ADAM32: variants seen among roughly 807,000 people sequenced by gnomAD.
The protein encoded by ADAM32 is disintegrin and metalloproteinase domain-containing protein 32.
Under a neutral mutation model 114.9 loss-of-function variants are expected in ADAM32, and 89 were observed. The observed-to-expected ratio is 0.77, with a 90% CI of 0.65 to 0.92. The LOEUF is 0.92. Among genes scored for constraint, ADAM32 ranks in the 40% least tolerant of loss-of-function variants. The probability of loss-of-function intolerance (pLI) is 0.00; values close to 1 mark genes in which losing one functional copy is unlikely to be tolerated. For synonymous variants in ADAM32, 285 were observed against 307.5 expected (o/e 0.93, Z 0.77); for missense variants, 870 against 932.8 (o/e 0.93, Z 0.88).
intron 10 of ADAM32, among the ~76,000 whole-genome samples, chr8:39,183,769 T>C (rs1806055607): frequency 6.6e-6 from 1 of 152,246 alleles, no homozygotes; most frequent in Admixed American, 6.5e-5. Context: ...TTACAGGACA[T>C]GTGATAAGTA....
intron 7 of ADAM32, among the ~76,000 whole-genome samples, chr8:39,162,373 G>GTGTA (rs1473728968): frequency 6.6e-6 from 1 of 151,978 alleles, no homozygotes; most frequent in Non-Finnish European, 1.5e-5. Flanking sequence ...GTATTCCATG[G>GTGTA]TGTATATGTG....
At chr8:39,127,489 A>G (rs1802186985) in intron 2 of ADAM32, among the ~76,000 whole-genome samples, 1 of 152,026 alleles carries the variant, frequency 6.6e-6, no homozygotes, top group African/African-American at 2.4e-5. Context: ...GTATTCTCTG[A>G]TGATTGTTTG....
chr8:39,116,774 T>C (rs191863653), intron 1 of ADAM32, among the ~76,000 whole-genome samples: 70 of 152,322 alleles, frequency 4.6e-4, no homozygotes, highest in Admixed American at 4.6e-3. Flanking sequence ...TAGCGCTATG[T>C]TGAATGGGAG....
At chr8:39,240,162 G>T (rs1033111547) in intron 16 of ADAM32, among the ~76,000 whole-genome samples, 1 of 152,268 alleles carries the variant, frequency 6.6e-6, no homozygotes, top group African/African-American at 2.4e-5. Context: ...TTCCAAGACT[G>T]ATCATATGAT....
intron 19 of ADAM32, among the ~76,000 whole-genome samples, chr8:39,258,926 A>T (rs1170426214): frequency 1.3e-5 from 2 of 152,092 alleles, no homozygotes; most frequent in Non-Finnish European, 2.9e-5. Flanking sequence ...CTTAAATACA[A>T]TTTTCACTGT....
At chr8:39,138,678 G>C (rs1487808608) in intron 3 of ADAM32, among the ~76,000 whole-genome samples, 1 of 152,026 alleles carries the variant, frequency 6.6e-6, no homozygotes, top group Non-Finnish European at 1.5e-5. Context: ...TAATCCTTTG[G>C]GTATATACCA....
intron 11 of ADAM32, 59 bp from the exon 12 acceptor site, chr8:39,211,085 A>G (rs1194858796): frequency 1.7e-5 from 21 of 1,270,116 alleles, no homozygotes; most frequent in East Asian, 2.7e-5. Context: ...AATTTATATC[A>G]TATAGAAATG....
chr8:39,118,075 T>TTTA lies in ADAM32; in HGVS notation c.59-11_59-10insTTA. 7.0e-7 allele frequency: 1 copy of TTTA among 1,423,546 alleles called. No individual in the cohort carries two copies. The allele number at this position is 1,423,546 out of a possible 1,614,324, so 88.2% of individuals were successfully genotyped here. On this transcript the variant is annotated splice_polypyrimidine_tract_variant and intron_variant, in intron 1 of 24. Transcript: ENST00000379907. Reference sequence around the variant, plus strand: ...AAGGTTACTAACTTTTTTTTTTTTTTATCTCTTCAGGTTTTCAAAATTCAC... The same window carrying TTTA: ...AAGGTTACTAACTTTTTTTTTTTTTTTTAATCTCTTCAGGTTTTCAAAATTCAC...
chr8:39,283,351 T>A (rs1813553590), intron 23 of ADAM32, among the ~76,000 whole-genome samples: 2 of 143,858 alleles, frequency 1.4e-5, no homozygotes, highest in South Asian at 4.3e-4. Flanking sequence ...GTTGAGGCTG[T>A]GGTGGGCCAC....
chr8:39,257,830 A>G (rs1217774412), intron 19 of ADAM32, among the ~76,000 whole-genome samples: 1 of 151,290 alleles, frequency 6.6e-6, no homozygotes, highest in African/African-American at 2.5e-5. Flanking sequence ...ACACTAAGAC[A>G]GAGAACAACA....
chr8:39,220,401 A>G (rs1325456190), intron 12 of ADAM32, among the ~76,000 whole-genome samples: 1 of 151,956 alleles, frequency 6.6e-6, no homozygotes, highest in Non-Finnish European at 1.5e-5. Flanking sequence ...ACTTGCACTT[A>G]GAGTCTCTTA....
intron 14 of ADAM32, among the ~76,000 whole-genome samples, chr8:39,227,622 C>T (rs1211621302): frequency 1.3e-5 from 2 of 152,164 alleles, no homozygotes; most frequent in Non-Finnish European, 1.5e-5. Flanking sequence ...CCTAGGTACA[C>T]AACTCCAGTG....
At chr8:39,219,382 C>T (rs1340719933) in intron 12 of ADAM32, among the ~76,000 whole-genome samples, 1 of 152,100 alleles carries the variant, frequency 6.6e-6, no homozygotes, top group Non-Finnish European at 1.5e-5. Flanking sequence ...ACTTAGGGCC[C>T]CAGAGTACTC....
chr8:39,284,800 T>G lies in ADAM32; in HGVS notation c.*1T>G, dbSNP rs750533377. 1 of 1,613,884 alleles carries G rather than the reference T, an allele frequency of 6.2e-7. No homozygotes were observed. Among genetic ancestry groups the G allele is most frequent in the East Asian group, 2.2e-5 (1 of 44,882 alleles). ...TTTTGTTCTCTTCCACAGTAACTAG[T>G]GATTCCTTCAGAAGGCAACGGATAA... On this transcript the variant is annotated 3_prime_UTR_variant, in exon 25 of 25. Coordinates refer to ENST00000379907, the MANE Select transcript of ADAM32 (RefSeq NM_145004.7).
chr8:39,204,056 C>A (rs1807636852), intron 11 of ADAM32, among the ~76,000 whole-genome samples: 2 of 152,268 alleles, frequency 1.3e-5, no homozygotes, highest in South Asian at 2.1e-4. Context: ...TCTCTGGCTG[C>A]CCTTAACATT....
intron 2 of ADAM32, among the ~76,000 whole-genome samples, chr8:39,133,230 A>G (rs1802571268): frequency 6.6e-6 from 1 of 151,504 alleles, no homozygotes; most frequent in Non-Finnish European, 1.5e-5. Context: ...GAGACCTGGC[A>G]CCTCTCCCTC....
At chr8:39,236,356 G>C (rs1810146111) in intron 16 of ADAM32, among the ~76,000 whole-genome samples, 1 of 151,994 alleles carries the variant, frequency 6.6e-6, no homozygotes, top group Non-Finnish European at 1.5e-5. Context: ...TGTACTCAGG[G>C]ATAGTCTTGT....
chr8:39,273,404 G>A (rs774945352), intron 20 of ADAM32, among the ~76,000 whole-genome samples: 21 of 152,072 alleles, frequency 1.4e-4, no homozygotes, highest in Non-Finnish European at 2.2e-4. Flanking sequence ...GCACATGCCT[G>A]TAATCCCAGC....
At chr8:39,245,413 C>T (rs891678496) in intron 16 of ADAM32, among the ~76,000 whole-genome samples, 3 of 151,998 alleles carry the variant, frequency 2.0e-5, no homozygotes, top group South Asian at 2.1e-4. Flanking sequence ...AAATCTTATT[C>T]GTGTAACCAA....
Sources: allele counts gnomAD v4.1 joint callset (sites outside exome capture counted in the v4.1 genomes callset), GRCh38; gene constraint gnomAD v4.1.1; transcripts MANE v1.5; gene names NCBI Gene and HGNC (gene_info 2026-07-23, HGNC 2026-07-21).